The following UBE2E2 variants were observed in gnomAD, a reference collection of about 807,000 sequenced individuals.
UBE2E2 encodes ubiquitin-conjugating enzyme E2 E2.
UBE2E2 carries 6 observed loss-of-function variants against 24.7 expected under a neutral mutation model. The observed-to-expected ratio is 0.24, with a 90% CI of 0.13 to 0.48. The LOEUF (loss-of-function observed/expected upper bound fraction) is 0.48. Among genes scored for constraint, UBE2E2 ranks in the 20% least tolerant of loss-of-function variants. The pLI, the probability that UBE2E2 is intolerant of heterozygous loss-of-function variation, is 0.99. For missense variants in UBE2E2, 169 were observed against 245.0 expected, an observed-to-expected ratio of 0.69 and a Z score of 2.07; for synonymous variants, 104 against 83.6, an observed-to-expected ratio of 1.24 and a Z score of -1.33.
intron 5 of UBE2E2, among the ~76,000 whole-genome samples, chr3:23,581,130 G>A (rs1176658316): frequency 6.6e-6 from 1 of 151,932 alleles, no homozygotes; most frequent in African/African-American, 2.4e-5. Context: ...GAGTGCAGTG[G>A]CACAACCATA....
At chr3:23,415,709 T>C (rs1400729221) in intron 3 of UBE2E2, among the ~76,000 whole-genome samples, 1 of 152,194 alleles carries the variant, frequency 6.6e-6, no homozygotes, top group Non-Finnish European at 1.5e-5. Context: ...TATCAGTAAA[T>C]AAAACCCTTT....
chr3:23,340,994 TA>T (rs1695369691), intron 3 of UBE2E2, among the ~76,000 whole-genome samples: 1 of 152,196 alleles, frequency 6.6e-6, no homozygotes, highest in Non-Finnish European at 1.5e-5. Context: ...TCTGCTTATA[TA>T]AGTGAGTACA....
At chr3:23,533,619 A>ATTTTTTTTT (rs759984741) in intron 5 of UBE2E2, among the ~76,000 whole-genome samples, 23 of 108,516 alleles carry the variant, frequency 2.1e-4, no homozygotes, top group African/African-American at 2.9e-4. Flanking sequence ...GCAAATTAGT[A>ATTTTTTTTT]TTTTTTTTTT....
intron 3 of UBE2E2, among the ~76,000 whole-genome samples, chr3:23,353,007 C>G (rs1332059566): frequency 6.6e-6 from 1 of 152,180 alleles, no homozygotes; most frequent in East Asian, 1.9e-4. Context: ...CAAACCGAAT[C>G]CAGCAGCACA....
At chr3:23,543,180 AT>A (rs1160903553) in intron 5 of UBE2E2, among the ~76,000 whole-genome samples, 1 of 152,168 alleles carries the variant, frequency 6.6e-6, no homozygotes, top group Non-Finnish European at 1.5e-5. Context: ...TACCACTTCT[AT>A]TCAACATAGT....
At chr3:23,390,657 G>A (rs919031561) in intron 3 of UBE2E2, among the ~76,000 whole-genome samples, 4 of 152,188 alleles carry the variant, frequency 2.6e-5, no homozygotes, top group Non-Finnish European at 5.9e-5. Flanking sequence ...AGCATTAATT[G>A]TAACATACCC....
At chr3:23,382,755 A>G (rs905913963) in intron 3 of UBE2E2, among the ~76,000 whole-genome samples, 1 of 152,258 alleles carries the variant, frequency 6.6e-6, no homozygotes, top group Non-Finnish European at 1.5e-5. Flanking sequence ...TATCAATACA[A>G]GGAAATATTA....
At chr3:23,318,196 G>C (rs973131724) in intron 3 of UBE2E2, among the ~76,000 whole-genome samples, 4 of 152,062 alleles carry the variant, frequency 2.6e-5, no homozygotes, top group Admixed American at 2.6e-4. Context: ...ACAGGGTCTT[G>C]CTCTGTCTCC....
chr3:23,379,447 A>G (rs958350629), intron 3 of UBE2E2, among the ~76,000 whole-genome samples: 1 of 129,702 alleles, frequency 7.7e-6, no homozygotes, highest in Non-Finnish European at 1.5e-5. Context: ...TCCTGTGTCC[A>G]TGTGATCTCA....
intron 5 of UBE2E2, among the ~76,000 whole-genome samples, chr3:23,559,589 C>T (rs930169996): frequency 6.6e-6 from 1 of 152,194 alleles, no homozygotes; most frequent in African/African-American, 2.4e-5. Flanking sequence ...GCTGTCCTGC[C>T]GTGAGCAGCT....
At chr3:23,546,569 GTTCAAACAA>G (rs1695528005) in intron 5 of UBE2E2, among the ~76,000 whole-genome samples, 2 of 146,740 alleles carry the variant, frequency 1.4e-5, no homozygotes, top group Middle Eastern at 7.0e-3. Flanking sequence ...CACCTCCCAG[GTTCAAACAA>G]TTCTCTTGCC....
chr3:23,224,469 C>T (rs922967792), intron 3 of UBE2E2, among the ~76,000 whole-genome samples: 2 of 150,800 alleles, frequency 1.3e-5, no homozygotes, highest in African/African-American at 4.9e-5. Flanking sequence ...TTGCTGTTGA[C>T]ATATATAAAT....
rs1034907207 is a variant in UBE2E2, at chr3:23,321,619, A to G, written c.227+104307A>G. Among the ~76,000 whole-genome samples, 36 of 149,476 alleles carry G rather than the reference A, an allele frequency of 2.4e-4. 1 individual carries two copies. The highest frequency in any genetic ancestry group is 7.9e-4 in the African/African-American group (32 of 40,364). On this transcript the variant is annotated intron_variant, in intron 3 of 5. Coordinates refer to ENST00000396703, the MANE Select transcript of UBE2E2 (RefSeq NM_152653.4). ...CTGACCCCACTAGAATAGCTCTTCC[A>G]TAACACAGAGTTGTGGGGGAATGGG...
intron 3 of UBE2E2, among the ~76,000 whole-genome samples, chr3:23,328,021 A>G (rs1369908877): frequency 6.6e-6 from 1 of 151,836 alleles, no homozygotes; most frequent in East Asian, 1.9e-4. Flanking sequence ...TACAATAAGT[A>G]TACTTATGTT....
intron 3 of UBE2E2, among the ~76,000 whole-genome samples, chr3:23,436,901 C>T (rs1698197841): frequency 6.6e-6 from 1 of 152,160 alleles, no homozygotes; most frequent in African/African-American, 2.4e-5. Flanking sequence ...GAGTATTTTG[C>T]ATAATACTAT....
intron 3 of UBE2E2, among the ~76,000 whole-genome samples, chr3:23,220,993 C>T (rs1460157673): frequency 2.0e-5 from 3 of 152,168 alleles, no homozygotes; most frequent in African/African-American, 7.2e-5. Flanking sequence ...ATAACTTGCT[C>T]CTCTGTATCA....
At position 23,591,004 on chromosome 3, in the gene UBE2E2, T is replaced by C. The variant is rs1696748223; in HGVS notation, c.*1173T>C. On this transcript the variant is annotated 3_prime_UTR_variant, in exon 6 of 6. Transcript: ENST00000396703. ...TTGTTGTTGTTGTTGTTGCTGCTCT[T>C]TTTTCTCCATGATTTTAGCAAAAGA... is the stretch of plus-strand genomic sequence containing the variant. 6.6e-6 allele frequency: 1 copy of C among 152,236 alleles called. No homozygotes were observed. The highest frequency in any genetic ancestry group is 6.5e-5 in the Admixed American group (1 of 15,290). 9.4% of individuals were successfully genotyped at this position (152,236 alleles called of 1,614,324 possible).
chr3:23,535,711 C>A (rs1292380352), intron 5 of UBE2E2, among the ~76,000 whole-genome samples: 4 of 150,642 alleles, frequency 2.7e-5, no homozygotes, highest in Non-Finnish European at 5.9e-5. Context: ...GCATCCTCTC[C>A]TCCCGGGTTC....
chr3:23,546,460 ATTTTTTTTTTTTT>A (rs899923576), intron 5 of UBE2E2, among the ~76,000 whole-genome samples: 5 of 76,896 alleles, frequency 6.5e-5, no homozygotes, highest in Admixed American at 1.3e-4. Context: ...GAACATTTAG[ATTTTTTTTTTTTT>A]TTTTTTTTTT....
Sources: gnomAD v4.1 joint callset for allele counts (sites outside exome capture counted in the v4.1 genomes callset) on GRCh38, gnomAD v4.1.1 for gene constraint, MANE v1.5 for transcripts, NCBI Gene and HGNC (gene_info 2026-07-23, HGNC 2026-07-21) for gene names.